The following SLX4IP variants were observed in gnomAD, a reference collection of about 807,000 sequenced individuals.
SLX4IP encodes the protein SLX4 interacting protein.
SLX4IP carries 34 observed loss-of-function variants against 32.9 expected under a neutral mutation model. That is an observed-to-expected ratio of 1.03 (90% confidence interval 0.79 to 1.38). SLX4IP has a LOEUF of 1.38. SLX4IP is among the 40% of genes most tolerant of loss of function. The pLI, the probability that SLX4IP is intolerant of heterozygous loss-of-function variation, is 0.00. For missense variants in SLX4IP, 444 were observed against 479.0 expected (o/e 0.93, Z 0.68); for synonymous variants, 172 against 171.7 (o/e 1.00, Z -0.01).
At chr20:10,605,974 G>T (rs1412512669) in intron 6 of SLX4IP, among the ~76,000 whole-genome samples, 1 of 152,060 alleles carries the variant, frequency 6.6e-6, no homozygotes, top group East Asian at 1.9e-4. Flanking sequence ...GTTATTTTTA[G>T]CTTGGCTGTT....
intron 2 of SLX4IP, among the ~76,000 whole-genome samples, chr20:10,527,024 A>G (rs915157466): frequency 6.6e-6 from 1 of 152,216 alleles, no homozygotes; most frequent in Admixed American, 6.5e-5. Flanking sequence ...AACCAAAGCA[A>G]GGTACCCATT....
chr20:10,572,048 C>T (rs890216583), intron 4 of SLX4IP, among the ~76,000 whole-genome samples: 1 of 152,140 alleles, frequency 6.6e-6, no homozygotes, highest in Non-Finnish European at 1.5e-5. Flanking sequence ...GCGTCCACCC[C>T]TCGGATGCTG....
intron 4 of SLX4IP, among the ~76,000 whole-genome samples, chr20:10,567,273 A>G (rs897516851): frequency 6.6e-6 from 1 of 152,190 alleles, no homozygotes; most frequent in Non-Finnish European, 1.5e-5. Context: ...GTATCCCCCA[A>G]AATTCACACA....
chr20:10,457,841 T>G (rs77023745), intron 1 of SLX4IP, among the ~76,000 whole-genome samples: 3 of 140,928 alleles, frequency 2.1e-5, no homozygotes, highest in African/African-American at 8.5e-5. Context: ...CTTTTCTCTC[T>G]TTTTTTTTTT....
chr20:10,455,579 TTTTA>T lies in SLX4IP; in HGVS notation c.-29-2553_-29-2550del, dbSNP rs142542742. On this transcript the variant is annotated intron_variant, in intron 1 of 7. Transcript: ENST00000334534. Reference sequence around the variant, plus strand: ...TTTTATTCCAATTGACCTGTATGTCTTTTATTTATTTATTTATTTATTTATTTAT... The same window carrying T: ...TTTTATTCCAATTGACCTGTATGTCTTTTATTTATTTATTTATTTATTTAT... Among the ~76,000 whole-genome samples the T allele has an allele frequency of 4.5e-3, 653 of 144,988 alleles. 7 individuals are homozygous for T. Among genetic ancestry groups the T allele is most frequent in the African/African-American group, 0.012 (445 of 38,398 alleles).
At chr20:10,616,074 T>A (rs1461920420) in intron 6 of SLX4IP, among the ~76,000 whole-genome samples, 1 of 152,194 alleles carries the variant, frequency 6.6e-6, no homozygotes, top group Non-Finnish European at 1.5e-5. Context: ...ACCCTAAATT[T>A]ACTATATTTT....
chr20:10,447,866 ATTTT>A (rs35397723), intron 1 of SLX4IP, among the ~76,000 whole-genome samples: 4 of 119,516 alleles, frequency 3.3e-5, no homozygotes, highest in Admixed American at 8.5e-5. Flanking sequence ...CACCTGGCTG[ATTTT>A]TTTTTTTTTT....
At chr20:10,565,714 A>G (rs34549504) in intron 4 of SLX4IP, among the ~76,000 whole-genome samples, 3,625 of 152,304 alleles carry the variant, frequency 0.024, 65 homozygotes, top group Non-Finnish European at 0.032. Flanking sequence ...ATCCACTAAT[A>G]ACTTTCCTCT....
At chr20:10,469,772 T>C (rs1394067800) in intron 2 of SLX4IP, among the ~76,000 whole-genome samples, 1 of 152,210 alleles carries the variant, frequency 6.6e-6, no homozygotes, top group Admixed American at 6.5e-5. Context: ...TAAAGTGCTT[T>C]TACAGTCGTT....
Position 10,622,578 on chromosome 20 carries a change from A to G in SLX4IP, c.507-81A>G, listed in dbSNP as rs1380923733. 6.6e-6 allele frequency: 10 copies of G among 1,510,200 alleles called. No homozygotes were observed. The East Asian group carries it at 2.0e-4, about 31-fold the overall frequency. 93.5% of individuals were successfully genotyped at this position (1,510,200 alleles called of 1,614,324 possible). On this transcript the variant is annotated intron_variant, in intron 7 of 7. Coordinates refer to ENST00000334534, the MANE Select transcript of SLX4IP (RefSeq NM_001009608.3). ...AGTGCCTGCCTCCTTTTTCAGGTGT[A>G]GGAAATGTGGTAGAGGGAATCTGGA...
intron 6 of SLX4IP, among the ~76,000 whole-genome samples, chr20:10,608,999 T>A (rs2066936216): frequency 6.6e-6 from 1 of 152,100 alleles, no homozygotes. Flanking sequence ...AGCCAGCCAG[T>A]CAGTGCTGGA....
intron 2 of SLX4IP, among the ~76,000 whole-genome samples, chr20:10,538,197 G>A (rs1038311492): frequency 6.6e-6 from 1 of 152,146 alleles, no homozygotes; most frequent in Non-Finnish European, 1.5e-5. Context: ...TTTGACCCAG[G>A]GCCATTTGTA....
rs762335590 is a variant in SLX4IP at position 10,598,659 on chromosome 20, C to T, written c.239-16C>T. ...CAAACAAACTTAACTTAGTGATGTT[C>T]CCTTTCACTTTCCAGGTTATGGCTT... On this transcript the variant is annotated splice_polypyrimidine_tract_variant and intron_variant, in intron 4 of 7. Transcript: ENST00000334534. The T allele has an allele frequency of 4.3e-6, 7 of 1,612,282 alleles. No homozygotes were observed. The highest frequency in any genetic ancestry group is 5.9e-6 in the Non-Finnish European group (7 of 1,178,422).
chr20:10,601,990 G>A (rs764389811), intron 6 of SLX4IP, among the ~76,000 whole-genome samples, 171 bp downstream of exon 6: 8 of 152,182 alleles, frequency 5.3e-5, no homozygotes, highest in Non-Finnish European at 1.0e-4. Flanking sequence ...CAACTAATTC[G>A]TGTATTGTTC....
chr20:10,602,323 T>C (rs2066852385), intron 6 of SLX4IP, among the ~76,000 whole-genome samples: 1 of 152,170 alleles, frequency 6.6e-6, no homozygotes, highest in Admixed American at 6.5e-5. Context: ...TCTGTCTCTC[T>C]GTCTCTCTGT....
chr20:10,612,521 T>C (rs1252420282), intron 6 of SLX4IP, among the ~76,000 whole-genome samples: 1 of 152,190 alleles, frequency 6.6e-6, no homozygotes, highest in African/African-American at 2.4e-5. Context: ...GTGAATTGCC[T>C]ACTTTTCAAA....
chr20:10,494,483 C>T (rs1401451980), intron 2 of SLX4IP, among the ~76,000 whole-genome samples: 3 of 151,352 alleles, frequency 2.0e-5, no homozygotes, highest in Admixed American at 6.6e-5. Flanking sequence ...GTTATTTCAT[C>T]TGTTTTTAGA....
intron 2 of SLX4IP, among the ~76,000 whole-genome samples, chr20:10,505,416 G>T (rs1228750562): frequency 2.0e-5 from 3 of 152,228 alleles, no homozygotes; most frequent in Non-Finnish European, 4.4e-5. Context: ...ACCAAAGCCA[G>T]TGCTACTCGG....
chr20:10,623,093 G>A lies in SLX4IP; in HGVS notation c.941G>A (p.Gly314Glu), dbSNP rs1214215139. 1 of 1,614,214 alleles carries A rather than the reference G, an allele frequency of 6.2e-7. No individual in the cohort carries two copies. The highest frequency in any genetic ancestry group is 8.5e-7 in the Non-Finnish European group (1 of 1,180,046). The change falls in exon 8 of 8, where the codon GGA becomes GAA. Residue 314 changes from glycine to glutamate, a missense_variant. Transcript: ENST00000334534. ...GACCACCACGGGAGAGTTTCTCTTG[G>A]AAGTGATCGATTAGTCCCGAGAGAA... ...DFDHHGRVSL[G>E]SDRLVPREII... is the part of the protein sequence containing the mutation.
Sources: allele counts gnomAD v4.1 joint callset (sites outside exome capture counted in the v4.1 genomes callset), GRCh38; gene constraint gnomAD v4.1.1; transcripts MANE v1.5; gene names NCBI Gene and HGNC (gene_info 2026-07-23, HGNC 2026-07-21).